FYB1: variants seen among roughly 807,000 people sequenced by gnomAD.
FYB1 encodes FYN-binding protein 1.
A neutral mutation model predicts 94.1 loss-of-function variants in FYB1; 41 were observed. The ratio of observed to expected loss-of-function variants is 0.44; its 90% confidence interval spans 0.34 to 0.57. The LOEUF (loss-of-function observed/expected upper bound fraction) is 0.57, where lower values mean the gene tolerates loss of function less well. Ranked by LOEUF, FYB1 falls within the 20% of genes least tolerant of loss-of-function variation. The probability of loss-of-function intolerance (pLI) is 0.02; values close to 1 mark genes in which losing one functional copy is unlikely to be tolerated. For missense variants in FYB1, 1,050 were observed against 976.8 expected (o/e 1.07, Z -1.00); for synonymous variants, 367 against 353.2 (o/e 1.04, Z -0.44).
chr5:39,219,093 CTGTT>C (rs1474707247), intron 1 of FYB1, among the ~76,000 whole-genome samples: 1 of 152,216 alleles, frequency 6.6e-6, no homozygotes, highest in African/African-American at 2.4e-5. Context: ...GTGCCCAGCT[CTGTT>C]GGCAATAAAA....
chr5:39,145,834 G>A (rs905083463), intron 3 of FYB1, among the ~76,000 whole-genome samples: 1 of 151,442 alleles, frequency 6.6e-6, no homozygotes, highest in African/African-American at 2.4e-5. Context: ...TTCATGCTCA[G>A]CCCACGCTTC....
intron 16 of FYB1, among the ~76,000 whole-genome samples, chr5:39,115,988 C>T (rs1739527922): frequency 2.6e-5 from 4 of 152,244 alleles, no homozygotes; most frequent in African/African-American, 7.2e-5. Context: ...CTGAATTACT[C>T]CCTACCTTCC....
Position 39,140,955 on chromosome 5 carries a change from G to C in FYB1, c.1339+140C>G, listed in dbSNP as rs150114102. 1.3e-3 allele frequency: 809 copies of C among 636,294 alleles called. 16 individuals carry two copies. The East Asian group carries it at 0.022, about 18-fold the overall frequency. 39.4% of individuals were successfully genotyped at this position (636,294 alleles called of 1,614,324 possible). A position where few individuals can be genotyped will look rare whatever the true frequency, so the allele number is the denominator to read the frequency against. ...GGAAGTGAGTCATGAGGATAAGAGGGAATAAACAAATAAAACGAGAGGGGC... is the reference window on the plus strand; with the variant it reads ...GGAAGTGAGTCATGAGGATAAGAGGCAATAAACAAATAAAACGAGAGGGGC... On this transcript the variant is annotated intron_variant, in intron 4 of 18. Transcript: ENST00000512982.
intron 2 of FYB1, among the ~76,000 whole-genome samples, chr5:39,164,291 A>C (rs1382550402): frequency 6.6e-6 from 1 of 152,214 alleles, no homozygotes; most frequent in African/African-American, 2.4e-5. Context: ...CCCACTGTAA[A>C]TATGTGAAGA....
chr5:39,164,178 G>A (rs1231237021), intron 2 of FYB1, among the ~76,000 whole-genome samples: 2 of 152,156 alleles, frequency 1.3e-5, no homozygotes, highest in Non-Finnish European at 2.9e-5. Flanking sequence ...GTCTGTGGGT[G>A]CCAGGCAGGA....
At chr5:39,134,786 A>G (rs1369592756) in intron 8 of FYB1, 69 bp downstream of exon 8, 1 of 1,537,368 alleles carries the variant, frequency 6.5e-7, no homozygotes, top group African/African-American at 1.4e-5. Flanking sequence ...CGAGTTCTGG[A>G]GGAATATGTA....
At chr5:39,196,866 C>A (rs2150479557) in intron 2 of FYB1, among the ~76,000 whole-genome samples, 1 of 152,332 alleles carries the variant, frequency 6.6e-6, no homozygotes, top group South Asian at 2.1e-4. Context: ...GTTACCTAAC[C>A]TCTCTGAGCT....
At chr5:39,212,230 C>A (rs910392766) in intron 1 of FYB1, among the ~76,000 whole-genome samples, 1 of 151,982 alleles carries the variant, frequency 6.6e-6, no homozygotes, top group African/African-American at 2.4e-5. Context: ...ATTGCTTGAG[C>A]CCGGGAGGTC....
Position 39,241,384 on chromosome 5 carries a change from C to T in FYB1, c.-28+33019G>A, listed in dbSNP as rs570652098. 3.3e-5 allele frequency among the ~76,000 whole-genome samples: 5 copies of T among 152,220 alleles called. No individual in the cohort carries two copies. In the South Asian group the frequency reaches 1.0e-3, roughly 32 times the overall value. On this transcript the variant is annotated intron_variant, in intron 1 of 1. Coordinates refer to the FYB1 transcript ENST00000510188. ...GGTGTCCAGGACCTATGAGTCTGGT[C>T]CATGGAAAATGTAGAGGGGGACATA...
chr5:39,270,564 C>G, intron 1 of FYB1: 1 of 1,534,918 alleles, frequency 6.5e-7, no homozygotes, highest in Non-Finnish European at 8.7e-7. Context: ...AAATCTATTA[C>G]TTACCATTTT....
At chr5:39,141,177 C>T (rs1382060633) in intron 3 of FYB1, 36 bp from the exon 4 acceptor site, 1 of 1,347,872 alleles carries the variant, frequency 7.4e-7, no homozygotes, top group Non-Finnish European at 1.0e-6. Flanking sequence ...GAACATGGAA[C>T]AAGTAGATGC....
At chr5:39,143,233 T>C (rs1011712138) in intron 3 of FYB1, among the ~76,000 whole-genome samples, 2 of 152,138 alleles carry the variant, frequency 1.3e-5, no homozygotes, top group Non-Finnish European at 1.5e-5. Flanking sequence ...TCCCTCCTTT[T>C]AGCCCAGCCT....
chr5:39,176,190 G>A (rs13436935), intron 2 of FYB1, among the ~76,000 whole-genome samples: 26 of 113,898 alleles, frequency 2.3e-4, no homozygotes, highest in Admixed American at 5.3e-4. Flanking sequence ...TCACTCTGTC[G>A]CCCAGACTGG....
At chr5:39,228,888 G>A (rs1239149427) in intron 1 of FYB1, among the ~76,000 whole-genome samples, 1 of 152,096 alleles carries the variant, frequency 6.6e-6, no homozygotes, top group Non-Finnish European at 1.5e-5. Context: ...TACAGTTGAT[G>A]ACCCCTTTGG....
At chr5:39,135,128 AT>A in intron 7 of FYB1, 114 bp from the exon 8 acceptor site, 1 of 1,138,182 alleles carries the variant, frequency 8.8e-7, no homozygotes, top group East Asian at 2.4e-5. Context: ...TATAACCAAC[AT>A]TTACAGGGTT....
intron 1 of FYB1, among the ~76,000 whole-genome samples, chr5:39,252,747 G>C (rs1024216128): frequency 2.0e-5 from 3 of 152,192 alleles, no homozygotes; most frequent in Non-Finnish European, 2.9e-5. Context: ...GAGTGGAATA[G>C]TTTAGACATA....
At chr5:39,165,527 C>G (rs1744642569) in intron 2 of FYB1, among the ~76,000 whole-genome samples, 2 of 152,106 alleles carry the variant, frequency 1.3e-5, no homozygotes, top group Admixed American at 6.6e-5. Flanking sequence ...AGATCTGAAG[C>G]TATAAAAATA....
chr5:39,124,756 C>A (rs1337706982), intron 12 of FYB1, among the ~76,000 whole-genome samples: 1 of 151,630 alleles, frequency 6.6e-6, no homozygotes, highest in African/African-American at 2.4e-5. Context: ...GCATATATAC[C>A]CCAAAACAGG....
chr5:39,272,488 T>C (rs866659137), intron 1 of FYB1, among the ~76,000 whole-genome samples: 147 of 131,612 alleles, frequency 1.1e-3, no homozygotes, highest in African/African-American at 3.4e-3. Flanking sequence ...CACGGTGAAA[T>C]CCCGTCTCTA....
Sources: gnomAD v4.1 joint callset for allele counts (sites outside exome capture counted in the v4.1 genomes callset) on GRCh38, gnomAD v4.1.1 for gene constraint, MANE v1.5 for transcripts, NCBI Gene and HGNC (gene_info 2026-07-23, HGNC 2026-07-21) for gene names.